The following NPHP4 variants were observed in gnomAD, a reference collection of about 807,000 sequenced individuals.
The protein encoded by NPHP4 is nephrocystin 4, also known as nephrocystin-4.
NPHP4 carries 151 observed loss-of-function variants against 155.8 expected under a neutral mutation model. The ratio of observed to expected loss-of-function variants is 0.97; its 90% CI spans 0.85 to 1.11. The LOEUF is 1.11. Ranked by LOEUF, NPHP4 falls within the 50% of genes least tolerant of loss-of-function variation. The pLI is 0.00. For synonymous variants in NPHP4, 845 were observed against 816.8 expected (o/e 1.03, Z -0.59); for missense variants, 1,956 against 1,925.7 (o/e 1.02, Z -0.29).
At chr1:5,956,365 G>A (rs1392494647) in intron 6 of NPHP4, among the ~76,000 whole-genome samples, 3 of 152,270 alleles carry the variant, frequency 2.0e-5, no homozygotes, top group East Asian at 3.8e-4. Context: ...TGCACAGAGA[G>A]CTGAAGATGC....
intron 18 of NPHP4, among the ~76,000 whole-genome samples, chr1:5,886,117 A>G: frequency 6.6e-6 from 1 of 152,230 alleles, no homozygotes; most frequent in East Asian, 1.9e-4. Context: ...TTAAATATAA[A>G]AACAACCAAC....
rs776267321 is a variant in NPHP4, at chr1:5,875,055, T to C, written c.2863A>G (p.Ile955Val). The change falls in exon 21 of 30, where the codon ATC becomes GTC. Residue 955 changes from isoleucine (I) to valine (V), a missense_variant. Ile to Val is a conservative substitution (Grantham distance 29). Transcript: ENST00000378156. Reference sequence around the variant, plus strand: ...TTCGTGCGTTCCCGGTAGGCGGCGATGACCTGTAGGTCCCGCAAGTGCTGT... The same window carrying C: ...TTCGTGCGTTCCCGGTAGGCGGCGACGACCTGTAGGTCCCGCAAGTGCTGT... Reference protein sequence around the residue: ...RTQHLRDLQVIAAYRERTKAE... With the variant: ...RTQHLRDLQVVAAYRERTKAE... The C allele has an allele frequency of 1.9e-6, 3 of 1,608,060 alleles. No homozygotes were observed. The highest frequency in any genetic ancestry group is 1.7e-6 in the Non-Finnish European group (2 of 1,179,796).
At chr1:5,898,640 G>T (rs922757873) in intron 16 of NPHP4, among the ~76,000 whole-genome samples, 1 of 152,232 alleles carries the variant, frequency 6.6e-6, no homozygotes, top group Admixed American at 6.5e-5. Flanking sequence ...CCATCTACGC[G>T]CATTCACTCA....
intron 7 of NPHP4, among the ~76,000 whole-genome samples, chr1:5,949,781 G>A (rs1647596980): frequency 6.6e-6 from 1 of 152,118 alleles, no homozygotes; most frequent in South Asian, 2.1e-4. Flanking sequence ...CACCTAGGCA[G>A]AGGCATGCCT....
At chr1:5,930,518 T>C (rs1646221420) in intron 10 of NPHP4, among the ~76,000 whole-genome samples, 1 of 152,252 alleles carries the variant, frequency 6.6e-6, no homozygotes, top group Non-Finnish European at 1.5e-5. Context: ...CTATTTTCCC[T>C]TGAGATTTAC....
Position 5,866,478 on chromosome 1 carries a change from C to T in NPHP4, c.3559-20G>A, listed in dbSNP as rs777960757. 6 of 1,449,038 alleles carry T rather than the reference C, an allele frequency of 4.1e-6. No homozygotes were observed. The South Asian group carries it at 7.2e-5, about 17-fold the overall frequency. The allele number at this position is 1,449,038 out of a possible 1,614,324, so 89.8% of individuals were successfully genotyped here. Reference sequence around the variant, plus strand: ...GGGGCCCTGCCAACCAGATGTGCAGCACATCAGGGCACACAGTGCTCTGCC... The same window carrying T: ...GGGGCCCTGCCAACCAGATGTGCAGTACATCAGGGCACACAGTGCTCTGCC... On this transcript the variant is annotated intron_variant, in intron 25 of 29. Coordinates refer to ENST00000378156, the MANE Select transcript of NPHP4 (RefSeq NM_015102.5).
In NPHP4 at chr1:5,978,417, G is replaced by A. The variant is rs1449751488; in HGVS notation, c.136-4C>T. 4 of 1,595,286 alleles carry A rather than the reference G, an allele frequency of 2.5e-6. No individual in the cohort carries two copies. Among genetic ancestry groups the A allele is most frequent in the Non-Finnish European group, 3.4e-6 (4 of 1,172,522 alleles). On this transcript the variant is annotated splice_region_variant and splice_polypyrimidine_tract_variant and intron_variant, in intron 2 of 29. Coordinates refer to ENST00000378156, the MANE Select transcript of NPHP4 (RefSeq NM_015102.5). ...CTGACAGTACCTCCAGCACGCCCTAGGAGACAACGGGGAATTGACCCTCAA... is the reference window on the plus strand; with the variant it reads ...CTGACAGTACCTCCAGCACGCCCTAAGAGACAACGGGGAATTGACCCTCAA...
intron 3 of NPHP4, among the ~76,000 whole-genome samples, chr1:5,975,648 G>A (rs1464036426): frequency 6.6e-6 from 1 of 152,210 alleles, no homozygotes; most frequent in Non-Finnish European, 1.5e-5. Flanking sequence ...GGAGCCACCA[G>A]CACAGGTATT....
chr1:5,929,233 G>A (rs977335135), intron 10 of NPHP4, among the ~76,000 whole-genome samples: 9 of 152,134 alleles, frequency 5.9e-5, no homozygotes, highest in Non-Finnish European at 2.9e-5. Flanking sequence ...AGACAATCAC[G>A]TTTTCTGCAA....
intron 3 of NPHP4, among the ~76,000 whole-genome samples, chr1:5,975,451 G>C (rs975218734): frequency 7.9e-5 from 12 of 152,196 alleles, no homozygotes; most frequent in African/African-American, 2.9e-4. Context: ...AAGTGCCCTG[G>C]CCACACCACA....
chr1:5,905,694 C>G lies in NPHP4; in HGVS notation c.1701G>C (p.Gln567His). 6.2e-7 allele frequency: 1 copy of G among 1,613,900 alleles called. No individual in the cohort carries two copies. The highest frequency in any genetic ancestry group is 8.5e-7 in the Non-Finnish European group (1 of 1,179,844). ...AAGGCGTGAACGGCAGCTCCTGTAA[C>G]TGTTCGGCAATGGATGTTTCCAGGA... is the stretch of plus-strand genomic sequence containing the variant. ...SLVLETSIAEQLQELPFTPLH... is the reference protein window; with the variant it reads ...SLVLETSIAEHLQELPFTPLH... Residue 567 changes from glutamine (Q) to histidine (H), a missense_variant, in exon 14 of 30, where the codon CAG (glutamine) becomes CAC (histidine). Transcript: ENST00000378156. The surrounding 1 kb of genome is among the most constrained non-coding windows in gnomAD (Gnocchi z 4.0).
intron 20 of NPHP4, among the ~76,000 whole-genome samples, chr1:5,875,388 G>GT (rs1553157557): frequency 6.6e-5 from 10 of 152,186 alleles, no homozygotes; most frequent in Non-Finnish European, 1.5e-4. Context: ...CACGAGTCTG[G>GT]CCCCCCGCAC....
chr1:5,870,325 T>C (rs1641866876), intron 23 of NPHP4, among the ~76,000 whole-genome samples: 1 of 152,128 alleles, frequency 6.6e-6, no homozygotes, highest in Non-Finnish European at 1.5e-5. Context: ...TAAATAATGA[T>C]AGTAACAAAA....
rs550838149 is a variant in NPHP4, at chr1:5,890,203, G to T, written c.2304+665C>A. ...GAGACTCAGGGGCTGCAATAATGAC[G>T]CCACATCCTCTCCCAGCTCCGTCCC... On this transcript the variant is annotated intron_variant, in intron 17 of 29. Coordinates refer to ENST00000378156, the MANE Select transcript of NPHP4 (RefSeq NM_015102.5). The surrounding 1 kb of genome is among the most constrained non-coding windows in gnomAD (Gnocchi z 4.9). Among the ~76,000 whole-genome samples the T allele has an allele frequency of 8.5e-5, 13 of 152,114 alleles. No homozygotes were observed. Among genetic ancestry groups the T allele is most frequent in the Non-Finnish European group, 1.6e-4 (11 of 68,020 alleles).
chr1:5,967,709 G>A (rs1320200347), intron 4 of NPHP4, among the ~76,000 whole-genome samples: 4 of 152,156 alleles, frequency 2.6e-5, no homozygotes, highest in Admixed American at 2.0e-4. Flanking sequence ...CTCAACCAGC[G>A]ATGATTCTGC....
intron 11 of NPHP4, among the ~76,000 whole-genome samples, chr1:5,911,907 A>ACGCT (rs1274163592): frequency 6.6e-6 from 1 of 152,334 alleles, no homozygotes; most frequent in East Asian, 1.9e-4. Context: ...TCCAGGCCCC[A>ACGCT]GGAGTCTTCC....
chr1:5,931,629 G>T (rs1257610558), intron 10 of NPHP4, among the ~76,000 whole-genome samples: 3 of 151,336 alleles, frequency 2.0e-5, no homozygotes, highest in Non-Finnish European at 4.4e-5. Flanking sequence ...AGCTACTTGG[G>T]AGGCTGAGCC....
At chr1:5,891,231 G>A (rs181482155) in intron 16 of NPHP4, among the ~76,000 whole-genome samples, 1 of 152,206 alleles carries the variant, frequency 6.6e-6, no homozygotes, top group East Asian at 1.9e-4. Context: ...CATTTCTTTC[G>A]CATAGAAACA....
At position 5,978,406 on chromosome 1, in the gene NPHP4, A is replaced by G. The variant is rs374239338; in HGVS notation, c.143T>C (p.Leu48Pro). 88 of 1,602,430 alleles carry G rather than the reference A, an allele frequency of 5.5e-5. No individual in the cohort carries two copies. The highest frequency in any genetic ancestry group is 7.1e-5 in the Non-Finnish European group (83 of 1,174,724). ...LDGPVIRQGV[L>P]EVLSEVECHL... Reference sequence around the variant, plus strand: ...GCATTCAACCTCTGACAGTACCTCCAGCACGCCCTAGGAGACAACGGGGAA... The same window carrying G: ...GCATTCAACCTCTGACAGTACCTCCGGCACGCCCTAGGAGACAACGGGGAA... The change falls in exon 3 of 30, where the codon CTG becomes CCG. Residue 48 changes from leucine (L) to proline (P), a missense_variant. By Grantham distance (98) the Leu-to-Pro change is moderately conservative (BLOSUM62 -3). Transcript: ENST00000378156.
Sources: gnomAD v4.1 joint callset for allele counts (sites outside exome capture counted in the v4.1 genomes callset) on GRCh38, gnomAD v4.1.1 for gene constraint, Gnocchi (gnomAD v3.1) non-coding constraint, MANE v1.5 for transcripts, NCBI Gene and HGNC (gene_info 2026-07-23, HGNC 2026-07-21) for gene names.